Variants in CGAS observed in about 807,000 individuals in gnomAD.
CGAS encodes the protein 2'3'-cGAMP synthase.
Under a neutral mutation model 34.0 loss-of-function variants are expected in CGAS, and 31 were observed. That is an observed-to-expected ratio of 0.91 (90% confidence interval 0.69 to 1.23). CGAS has a LOEUF of 1.23. Ranked by LOEUF, CGAS falls within the 50% of genes most tolerant of loss-of-function variation. The pLI is 0.00. For missense variants in CGAS, 597 were observed against 657.6 expected (o/e 0.91, Z 1.01); for synonymous variants, 266 against 260.0 (o/e 1.02, Z -0.22).
intron 3 of CGAS, among the ~76,000 whole-genome samples, chr6:73,436,147 A>G (rs979061274): frequency 2.6e-5 from 4 of 151,946 alleles, no homozygotes; most frequent in African/African-American, 7.2e-5. Context: ...CCTGGGCTCA[A>G]TGATCCTCCT....
intron 2 of CGAS, among the ~76,000 whole-genome samples, chr6:73,444,229 A>T (rs1188931603): frequency 6.6e-6 from 1 of 151,910 alleles, no homozygotes; most frequent in Non-Finnish European, 1.5e-5. Flanking sequence ...ACCTCGTGAT[A>T]TACCTACCTC....
chr6:73,431,723 A>T (rs949741339), intron 3 of CGAS, among the ~76,000 whole-genome samples: 7 of 152,246 alleles, frequency 4.6e-5, no homozygotes, highest in Admixed American at 1.3e-4. Context: ...TATGAACCTT[A>T]TTTGAATCCT....
intron 1 of CGAS, among the ~76,000 whole-genome samples, chr6:73,448,914 A>C (rs1390624179): frequency 6.6e-6 from 1 of 151,836 alleles, no homozygotes; most frequent in Non-Finnish European, 1.5e-5. Context: ...ACATGCTGAA[A>C]CCTTATCTCT....
At position 73,449,061 on chromosome 6, in the gene CGAS, C is replaced by T. The variant is rs1008922380; in HGVS notation, c.657+2464G>A. Among the ~76,000 whole-genome samples, 7 of 151,672 alleles carry T rather than the reference C, an allele frequency of 4.6e-5. No individual in the cohort carries two copies. The East Asian group carries it at 1.4e-3, about 30-fold the overall frequency. Reference sequence around the variant, plus strand: ...CCAAGATCACATCACTGCACTCCACCCTGGGTGACAGAGCAAGACTCCATC... The same window carrying T: ...CCAAGATCACATCACTGCACTCCACTCTGGGTGACAGAGCAAGACTCCATC... On this transcript the variant is annotated intron_variant, in intron 1 of 4. Coordinates refer to ENST00000370315, the MANE Select transcript of CGAS (RefSeq NM_138441.3).
rs142904068 is a variant in CGAS at position 73,424,945 on chromosome 6, C to G, written c.*282G>C. On this transcript the variant is annotated 3_prime_UTR_variant, in exon 5 of 5. Transcript: ENST00000370315. The stretch of plus-strand genomic sequence containing the variant: ...CTTGACTCACTGCAACCTCCACCTC[C>G]TGGGTTCAAGTGATTCTCATGTCTA... The G allele has an allele frequency of 0.021, 4,094 of 197,780 alleles. 391 individuals are homozygous for G. The highest frequency in any genetic ancestry group is 0.16 in the Admixed American group (2,645 of 16,378). 12.3% of individuals were successfully genotyped at this position (197,780 alleles called of 1,614,324 possible). A position where few individuals can be genotyped will look rare whatever the true frequency, so the allele number is the denominator to read the frequency against.
intron 4 of CGAS, among the ~76,000 whole-genome samples, chr6:73,426,091 T>C (rs1031963598): frequency 6.6e-6 from 1 of 152,096 alleles, no homozygotes; most frequent in Non-Finnish European, 1.5e-5. Flanking sequence ...GAGATCAGCC[T>C]GGCCAGTATG....
chr6:73,427,710 C>T (rs1048233191), intron 4 of CGAS, among the ~76,000 whole-genome samples: 9 of 152,134 alleles, frequency 5.9e-5, no homozygotes, highest in Non-Finnish European at 1.5e-5. Context: ...GTCTCATCCC[C>T]GTACTTCCAA....
intron 3 of CGAS, among the ~76,000 whole-genome samples, chr6:73,432,340 TA>T (rs1770207900): frequency 6.6e-6 from 1 of 151,916 alleles, no homozygotes; most frequent in Admixed American, 6.6e-5. Context: ...TTTGTATTTT[TA>T]GTAGAGATGG....
intron 2 of CGAS, among the ~76,000 whole-genome samples, chr6:73,442,979 C>T (rs1582655591): frequency 1.3e-5 from 2 of 151,994 alleles, no homozygotes; most frequent in South Asian, 4.1e-4. Context: ...ATCCTTCTGC[C>T]TTGGCCTCCC....
Position 73,425,475 on chromosome 6 carries a change from C to A in CGAS, c.1321G>T (p.Ala441Ser), listed in dbSNP as rs1255242854. The A allele has an allele frequency of 6.2e-7, 1 of 1,614,010 alleles. No homozygotes were observed. Among genetic ancestry groups the A allele is most frequent in the Admixed American group, 1.7e-5 (1 of 59,952 alleles). The change falls in exon 5 of 5, where the codon GCC (alanine) becomes TCC (serine). Residue 441 changes from alanine (A) to serine (S), a missense_variant. Around this residue, in one of 3 missense-constraint regions of CGAS, gnomAD observed 271 missense variants for 324.1 expected, o/e 0.84. Coordinates refer to ENST00000370315, the MANE Select transcript of CGAS (RefSeq NM_138441.3). ...DKFSSYHVKTAFFHVCTQNPQ... is the reference protein window; with the variant it reads ...DKFSSYHVKTSFFHVCTQNPQ... ...TTCTGGGTACATACGTGAAAGAAGG[C>A]AGTTTTCACATGATAAGAAGAGAAT...
rs748373505 is a variant in CGAS at position 73,451,813 on chromosome 6, C to A, written c.369G>T (p.Gln123His). The A allele has an allele frequency of 6.4e-7, 1 of 1,559,246 alleles. No homozygotes were observed. The highest frequency in any genetic ancestry group is 8.7e-7 in the Non-Finnish European group (1 of 1,152,886). ...GCTTCGTGGAGCAGCGCGCGCCCCT[C>A]TGGCGGCAAGAACCAGCCCTGGAAA... ...PALSRAGSCR[Q>H]RGARCSTKPR... Residue 123 changes from glutamine (Q) to histidine (H), a missense_variant, in exon 1 of 5, where the codon CAG (glutamine) becomes CAT (histidine). Gln to His is a conservative substitution (Grantham distance 24). Coordinates refer to ENST00000370315, the MANE Select transcript of CGAS (RefSeq NM_138441.3).
chr6:73,431,094 T>C (rs942834081), intron 3 of CGAS, among the ~76,000 whole-genome samples: 5 of 149,574 alleles, frequency 3.3e-5, no homozygotes, highest in African/African-American at 1.2e-4. Context: ...AGAGTGAGAC[T>C]CAGTCTCAAA....
chr6:73,451,252 G>A (rs1204706121), intron 1 of CGAS, among the ~76,000 whole-genome samples: 2 of 152,068 alleles, frequency 1.3e-5, no homozygotes, highest in Non-Finnish European at 2.9e-5. Flanking sequence ...GATACATGTC[G>A]GCTTGCATGA....
chr6:73,433,795 T>C (rs1487993668), intron 3 of CGAS, among the ~76,000 whole-genome samples: 1 of 152,084 alleles, frequency 6.6e-6, no homozygotes, highest in Non-Finnish European at 1.5e-5. Flanking sequence ...CTAGAGTTTT[T>C]ACACAGTGTT....
At chr6:73,445,405 T>C (rs1204907641) in intron 2 of CGAS, 123 bp downstream of exon 2, 8 of 553,746 alleles carry the variant, frequency 1.4e-5, no homozygotes, top group Admixed American at 3.6e-5. Flanking sequence ...TACTGATGTT[T>C]CTTGACCTCT....
intron 1 of CGAS, among the ~76,000 whole-genome samples, chr6:73,449,567 A>G (rs972648675): frequency 6.6e-6 from 1 of 151,892 alleles, no homozygotes; most frequent in African/African-American, 2.4e-5. Context: ...TCTAACTAGT[A>G]ACTTTCTTTT....
At chr6:73,450,155 G>T (rs1421817459) in intron 1 of CGAS, among the ~76,000 whole-genome samples, 1 of 151,866 alleles carries the variant, frequency 6.6e-6, no homozygotes, top group Admixed American at 6.6e-5. Context: ...GGTGGCTCAC[G>T]CCTGTAATCC....
chr6:73,428,550 G>C (rs1770129574), intron 4 of CGAS, among the ~76,000 whole-genome samples, 159 bp downstream of exon 4: 1 of 151,996 alleles, frequency 6.6e-6, no homozygotes, highest in Non-Finnish European at 1.5e-5. Context: ...TTTGGATCTA[G>C]CTTCTCTGGT....
chr6:73,433,813 A>G (rs946784970), intron 3 of CGAS, among the ~76,000 whole-genome samples: 1 of 152,024 alleles, frequency 6.6e-6, no homozygotes, highest in East Asian at 1.9e-4. Flanking sequence ...GTTGTCCAAG[A>G]TGGTCTTGAA....
Sources: allele counts gnomAD v4.1 joint callset (sites outside exome capture counted in the v4.1 genomes callset), GRCh38; gene constraint gnomAD v4.1.1; regional missense constraint gnomAD v4.1.1; transcripts MANE v1.5; gene names NCBI Gene and HGNC (gene_info 2026-07-23, HGNC 2026-07-21).